ATP7A: variants seen among roughly 807,000 people sequenced by gnomAD.
The protein encoded by ATP7A is copper-transporting ATPase 1.
ATP7A carries 7 observed loss-of-function variants against 83.5 expected under a neutral mutation model. The observed-to-expected ratio is 0.08, with a 90% CI of 0.05 to 0.16. The LOEUF (loss-of-function observed/expected upper bound fraction) is 0.16, where lower values mean the gene tolerates loss of function less well. Ranked by LOEUF, ATP7A falls within the 10% of genes least tolerant of loss-of-function variation. The pLI, the probability that ATP7A is intolerant of heterozygous loss-of-function variation, is 1.00. For missense variants in ATP7A, 940 were observed against 1,120.8 expected, an observed-to-expected ratio of 0.84 and a Z score of 2.30; for synonymous variants, 354 against 395.2, an observed-to-expected ratio of 0.90 and a Z score of 1.24.
At chrX:78,020,189 G>A (rs1212745682) in intron 12 of ATP7A, 55 bp from the exon 13 acceptor site, 16 of 1,137,061 alleles carry the variant, frequency 1.4e-5, no homozygotes, top group Non-Finnish European at 1.8e-5. Context: ...ATAATGATAT[G>A]TTTCATGATA....
At chrX:78,034,141 A>T (rs1281749809) in intron 17 of ATP7A, among the ~76,000 whole-genome samples, 5 of 111,487 alleles carry the variant, frequency 4.5e-5, no homozygotes, top group African/African-American at 1.6e-4. Context: ...AAATTATCTT[A>T]TTTTTTATAT....
intron 1 of ATP7A, among the ~76,000 whole-genome samples, chrX:77,919,889 C>A (rs782338644): frequency 8.9e-6 from 1 of 112,167 alleles, no homozygotes; most frequent in East Asian, 2.8e-4. Flanking sequence ...TTTCATCATC[C>A]CAAACTGAAA....
At chrX:77,922,984 A>G (rs1247834795) in intron 1 of ATP7A, 1 of 112,379 alleles carries the variant, frequency 8.9e-6, no homozygotes, top group Non-Finnish European at 1.9e-5. Context: ...AGTAAGAGTT[A>G]TCTGTGTTTT....
At chrX:78,024,459 G>A (rs782183635) in intron 14 of ATP7A, among the ~76,000 whole-genome samples, 2 of 112,047 alleles carry the variant, frequency 1.8e-5, no homozygotes, top group Non-Finnish European at 3.8e-5. Flanking sequence ...CTACAGTGCT[G>A]CGGATGCAGC....
chrX:78,027,675 A>G (rs1205347195), intron 14 of ATP7A, among the ~76,000 whole-genome samples: 5 of 112,193 alleles, frequency 4.5e-5, no homozygotes, highest in African/African-American at 9.7e-5. Context: ...GCATCACATT[A>G]CCTGACTTCA....
At chrX:77,920,827 T>A (rs782032033) in intron 1 of ATP7A, among the ~76,000 whole-genome samples, 5 of 111,507 alleles carry the variant, frequency 4.5e-5, no homozygotes, top group Non-Finnish European at 3.8e-5. Flanking sequence ...GGATATATAC[T>A]CAGTAATGGG....
chrX:77,928,695 C>G (rs1354473116), intron 1 of ATP7A, among the ~76,000 whole-genome samples: 1 of 112,100 alleles, frequency 8.9e-6, no homozygotes, highest in Non-Finnish European at 1.9e-5. Context: ...ACCTTTGAAC[C>G]TAGCCATCAT....
At chrX:78,035,513 C>T (rs782168242) in intron 17 of ATP7A, among the ~76,000 whole-genome samples, 16 of 111,351 alleles carry the variant, frequency 1.4e-4, no homozygotes, top group African/African-American at 4.2e-4. Context: ...AACCCATCCA[C>T]GGGTCTCTGT....
intron 12 of ATP7A, among the ~76,000 whole-genome samples, chrX:78,017,551 C>T (rs939411626): frequency 3.6e-5 from 4 of 111,695 alleles, no homozygotes; most frequent in African/African-American, 1.3e-4. Context: ...AGCCTTTATG[C>T]TCTGCTTCCT....
intron 2 of ATP7A, among the ~76,000 whole-genome samples, chrX:77,987,560 A>G (rs1557231496): frequency 9.2e-6 from 1 of 109,142 alleles, no homozygotes; most frequent in African/African-American, 3.3e-5. Flanking sequence ...ATATGCAGTA[A>G]CTAAGCTACA....
intron 11 of ATP7A, among the ~76,000 whole-genome samples, chrX:78,015,089 T>C (rs782312900): frequency 8.9e-6 from 1 of 112,487 alleles, no homozygotes; most frequent in Non-Finnish European, 1.9e-5. Flanking sequence ...CATATTCACA[T>C]TTCTCCTGTT....
chrX:77,945,496 CT>C (rs1435212867), intron 1 of ATP7A, among the ~76,000 whole-genome samples: 3 of 111,995 alleles, frequency 2.7e-5, no homozygotes, highest in African/African-American at 9.7e-5. Context: ...TTATCTTTGA[CT>C]TTATAAATCT....
chrX:77,915,281 C>T (rs1194819126), intron 1 of ATP7A, among the ~76,000 whole-genome samples: 2 of 109,166 alleles, frequency 1.8e-5, no homozygotes, highest in Non-Finnish European at 3.8e-5. Context: ...CACCACTGCA[C>T]TCCACCCTGG....
At position 78,046,331 on chromosome X, in the gene ATP7A, G is replaced by A; in HGVS notation, c.4264G>A (p.Ala1422Thr). 8.3e-7 allele frequency: 1 copy of A among 1,211,599 alleles called. No homozygotes were observed. Among genetic ancestry groups the A allele is most frequent in the Non-Finnish European group, 1.1e-6 (1 of 895,226 alleles). The change falls in exon 23 of 23, where the codon GCC becomes ACC. Residue 1422 changes from alanine to threonine, a missense_variant. By Grantham distance (58) the Ala-to-Thr change is moderately conservative (BLOSUM62 0). Coordinates refer to ENST00000341514, the MANE Select transcript of ATP7A (RefSeq NM_000052.7). Reference protein sequence around the residue: ...KPTYESYELPARSQIGQKSPS... With the variant: ...KPTYESYELPTRSQIGQKSPS... ...AACTTACGAGAGTTATGAACTGCCT[G>A]CCCGGAGCCAGATAGGACAGAAGAG...
chrX:77,929,961 T>G (rs1428736083), intron 1 of ATP7A, among the ~76,000 whole-genome samples: 1 of 112,138 alleles, frequency 8.9e-6, no homozygotes, highest in Non-Finnish European at 1.9e-5. Context: ...AGTGAAAAGA[T>G]TTTAAAAAGG....
chrX:78,029,463 C>T lies in ATP7A; in HGVS notation c.3111+19C>T, dbSNP rs1603389051. The T allele has an allele frequency of 1.7e-6, 2 of 1,188,042 alleles. No homozygotes were observed. The highest frequency in any genetic ancestry group is 2.3e-6 in the Non-Finnish European group (2 of 875,659). On this transcript the variant is annotated intron_variant, in intron 15 of 22. Coordinates refer to ENST00000341514, the MANE Select transcript of ATP7A (RefSeq NM_000052.7). ...TCATAAGGTAAGACAGTCCCCAGAACTAAAACCTGTACCACCAAACTATCA... is the reference window on the plus strand; with the variant it reads ...TCATAAGGTAAGACAGTCCCCAGAATTAAAACCTGTACCACCAAACTATCA...
chrX:77,951,291 T>C (rs1410357616), intron 1 of ATP7A, among the ~76,000 whole-genome samples: 1 of 112,063 alleles, frequency 8.9e-6, no homozygotes, highest in Non-Finnish European at 1.9e-5. Context: ...ACCCAATGTT[T>C]TGTTGTTGTT....
chrX:77,969,225 C>T, intron 1 of ATP7A: 1 of 1,212,089 alleles, frequency 8.3e-7, no homozygotes, highest in Non-Finnish European at 1.1e-6. Flanking sequence ...ACCTGCGATC[C>T]TTACTGATGT....
rs782325345 is a variant in ATP7A at position 77,926,061 on chromosome X, C to T, written c.-22+15226C>T. 2.7e-5 allele frequency among the ~76,000 whole-genome samples: 3 copies of T among 110,790 alleles called. No individual in the cohort carries two copies. The East Asian group carries it at 8.5e-4, about 31-fold the overall frequency. On this transcript the variant is annotated intron_variant, in intron 1 of 22. Coordinates refer to ENST00000341514, the MANE Select transcript of ATP7A (RefSeq NM_000052.7). ...GTTTTAGGTGAGCCTCTGGGAATCT[C>T]ATGAAACTGAGCTTCCAGTGTGGCT... is the stretch of plus-strand genomic sequence containing the variant.
Sources: allele counts gnomAD v4.1 joint callset (sites outside exome capture counted in the v4.1 genomes callset), GRCh38; gene constraint gnomAD v4.1.1; transcripts MANE v1.5; gene names NCBI Gene and HGNC (gene_info 2026-07-23, HGNC 2026-07-21).